Variants in STXBP5L observed in about 807,000 individuals in gnomAD.
The protein encoded by STXBP5L is syntaxin binding protein 5L, also known as syntaxin-binding protein 5-like.
In STXBP5L, 65 loss-of-function variants were observed where a neutral mutation model predicts 144.5. That is an observed-to-expected ratio of 0.45 (90% CI 0.37 to 0.55). STXBP5L has a LOEUF of 0.55. STXBP5L is among the 20% of genes least tolerant of loss of function. The probability of loss-of-function intolerance (pLI) is 0.00; values close to 1 mark genes in which losing one functional copy is unlikely to be tolerated. For synonymous variants in STXBP5L, 505 were observed against 469.6 expected (o/e 1.08, Z -0.97); for missense variants, 1,298 against 1,405.5 (o/e 0.92, Z 1.22).
chr3:120,943,561 C>T (rs1258914005), intron 2 of STXBP5L, among the ~76,000 whole-genome samples: 1 of 151,616 alleles, frequency 6.6e-6, no homozygotes, highest in African/African-American at 2.4e-5. Flanking sequence ...CATGGTTTAT[C>T]ATTGTTTGAA....
At chr3:120,962,118 GTTGT>G (rs1200892188) in intron 3 of STXBP5L, among the ~76,000 whole-genome samples, 14 of 150,490 alleles carry the variant, frequency 9.3e-5, no homozygotes, top group African/African-American at 3.4e-4. Context: ...TTTCGATGGG[GTTGT>G]TTGTTTTTTT....
intron 5 of STXBP5L, among the ~76,000 whole-genome samples, chr3:121,111,227 G>T (rs1212092374): frequency 6.6e-6 from 1 of 152,170 alleles, no homozygotes; most frequent in African/African-American, 2.4e-5. Context: ...ACCTTCTGAA[G>T]CCTACTTCTG....
intron 2 of STXBP5L, among the ~76,000 whole-genome samples, chr3:120,949,714 T>C (rs979001682): frequency 5.3e-5 from 8 of 152,000 alleles, no homozygotes; most frequent in Admixed American, 2.0e-4. Context: ...TTGTTGAAGG[T>C]CAAATACCTT....
chr3:121,275,983 C>T (rs1037481729), intron 18 of STXBP5L, among the ~76,000 whole-genome samples: 1 of 151,958 alleles, frequency 6.6e-6, no homozygotes, highest in Non-Finnish European at 1.5e-5. Flanking sequence ...TGGAGTGTTT[C>T]AGTCATTTAC....
chr3:121,211,477 G>A (rs893379214), intron 10 of STXBP5L, among the ~76,000 whole-genome samples: 70 of 152,012 alleles, frequency 4.6e-4, no homozygotes, highest in Non-Finnish European at 2.4e-4. Context: ...GAATAGGAGT[G>A]GTGAGAGAGG....
At position 120,927,079 on chromosome 3, in the gene STXBP5L, G is replaced by T. The variant is rs1022808163; in HGVS notation, c.189+17312G>T. 1.3e-5 allele frequency among the ~76,000 whole-genome samples: 2 copies of T among 151,926 alleles called. 1 individual carries two copies. The highest frequency in any genetic ancestry group is 1.3e-4 in the Admixed American group (2 of 15,254). ...GCCTCCCGAGTATCTAGGACCACAG[G>T]TGCATGCCACCACAACTGGCAAATT... On this transcript the variant is annotated intron_variant, in intron 2 of 26. Coordinates refer to ENST00000471454, the MANE Select transcript of STXBP5L (RefSeq NM_001308330.2).
At chr3:121,274,000 G>T (rs1298748524) in intron 18 of STXBP5L, among the ~76,000 whole-genome samples, 2 of 151,948 alleles carry the variant, frequency 1.3e-5, no homozygotes, top group Admixed American at 6.6e-5. Context: ...TTCCTTAAAA[G>T]AATTAAAATA....
chr3:121,196,301 AT>A (rs796476255), intron 9 of STXBP5L, among the ~76,000 whole-genome samples: 10 of 150,230 alleles, frequency 6.7e-5, no homozygotes, highest in Admixed American at 1.3e-4. Flanking sequence ...TGCCTGGCTA[AT>A]TTTTTTTTGT....
intron 3 of STXBP5L, among the ~76,000 whole-genome samples, chr3:120,979,629 A>G (rs943994688): frequency 6.6e-6 from 1 of 152,090 alleles, no homozygotes; most frequent in Non-Finnish European, 1.5e-5. Context: ...GAAATCACCC[A>G]TCTTCTGCGT....
At chr3:121,309,476 C>G (rs1559960140) in intron 19 of STXBP5L, among the ~76,000 whole-genome samples, 1 of 151,928 alleles carries the variant, frequency 6.6e-6, no homozygotes, top group Non-Finnish European at 1.5e-5. Context: ...TCCCAAATAA[C>G]AGAGTTACAA....
chr3:121,089,673 C>T (rs2042682355), intron 5 of STXBP5L, among the ~76,000 whole-genome samples: 1 of 151,878 alleles, frequency 6.6e-6, no homozygotes, highest in South Asian at 2.1e-4. Flanking sequence ...TTTTCAGTCT[C>T]ATCCTCTTTT....
chr3:120,981,877 T>G (rs916614297), intron 3 of STXBP5L, among the ~76,000 whole-genome samples: 6 of 152,202 alleles, frequency 3.9e-5, no homozygotes, highest in African/African-American at 1.4e-4. Context: ...TTGTCCTGTA[T>G]GTTGTGTATG....
chr3:121,143,332 C>A (rs930895268), intron 7 of STXBP5L, among the ~76,000 whole-genome samples: 2 of 150,218 alleles, frequency 1.3e-5, no homozygotes, highest in African/African-American at 4.9e-5. Flanking sequence ...AAAACATTGT[C>A]ATCAGCATTA....
In STXBP5L at chr3:121,162,138, A is replaced by G. The variant is rs537719753; in HGVS notation, c.877+4511A>G. Among the ~76,000 whole-genome samples, 12 of 152,324 alleles carry G rather than the reference A, an allele frequency of 7.9e-5. No homozygotes were observed. The South Asian group carries it at 2.3e-3, about 29-fold the overall frequency. On this transcript the variant is annotated intron_variant, in intron 9 of 26. Coordinates refer to ENST00000471454, the MANE Select transcript of STXBP5L (RefSeq NM_001308330.2). The stretch of plus-strand genomic sequence containing the variant: ...GGAATAAGCCTTAATGTACATGTGA[A>G]GTATTATTTCTAATACAGAACATAC...
chr3:121,297,216 GTGTGTGTGT>G (rs1243270759), intron 19 of STXBP5L, among the ~76,000 whole-genome samples: 1 of 151,258 alleles, frequency 6.6e-6, no homozygotes, highest in Non-Finnish European at 1.5e-5. Flanking sequence ...GTGTGTGTGT[GTGTGTGTGT>G]GTGTGTGTGT....
At chr3:121,120,973 A>C (rs912263177) in intron 6 of STXBP5L, among the ~76,000 whole-genome samples, 2 of 151,252 alleles carry the variant, frequency 1.3e-5, no homozygotes, top group African/African-American at 4.8e-5. Flanking sequence ...AACATGCCAG[A>C]TATGAGAGTA....
chr3:120,929,865 A>G (rs992759019), intron 2 of STXBP5L, among the ~76,000 whole-genome samples: 15 of 152,128 alleles, frequency 9.9e-5, no homozygotes, highest in African/African-American at 2.9e-4. Context: ...ATTTTCCAGT[A>G]TACTTACTAG....
chr3:121,193,643 TA>T (rs1419052235), intron 9 of STXBP5L, among the ~76,000 whole-genome samples: 1 of 152,156 alleles, frequency 6.6e-6, no homozygotes, highest in Non-Finnish European at 1.5e-5. Flanking sequence ...TATGCAGCCA[TA>T]AAAAAGGATG....
intron 5 of STXBP5L, among the ~76,000 whole-genome samples, chr3:121,112,380 CTGGGAG>C (rs761788404): frequency 5.9e-5 from 9 of 152,166 alleles, no homozygotes; most frequent in Non-Finnish European, 1.0e-4. Context: ...CCTTGCTTGG[CTGGGAG>C]TGGGAGTTCC....
Sources: allele counts gnomAD v4.1 joint callset (sites outside exome capture counted in the v4.1 genomes callset), GRCh38; gene constraint gnomAD v4.1.1; transcripts MANE v1.5; gene names NCBI Gene and HGNC (gene_info 2026-07-23, HGNC 2026-07-21).